The following MRPL39 variants were observed in gnomAD, a reference collection of about 807,000 sequenced individuals.
MRPL39 encodes the protein large ribosomal subunit protein mL39.
A neutral mutation model predicts 44.5 loss-of-function variants in MRPL39; 35 were observed. The ratio of observed to expected loss-of-function variants is 0.79; its 90% CI spans 0.60 to 1.04. The LOEUF (loss-of-function observed/expected upper bound fraction) is 1.04, where lower values mean the gene tolerates loss of function less well. Ranked by LOEUF, MRPL39 falls within the 50% of genes least tolerant of loss-of-function variation. MRPL39 has a pLI of 0.00. For missense variants in MRPL39, 433 were observed against 413.5 expected (o/e 1.05, Z -0.41); for synonymous variants, 139 against 136.1 (o/e 1.02, Z -0.15).
Position 25,601,378 on chromosome 21 carries a change from T to G in MRPL39, c.510A>C (p.Pro170=). 3 of 1,609,036 alleles carry G rather than the reference T, an allele frequency of 1.9e-6. No homozygotes were observed. Among genetic ancestry groups the G allele is most frequent in the Non-Finnish European group, 2.5e-6 (3 of 1,176,926 alleles). The change falls in exon 4 of 10, where the codon CCA becomes CCC. Residue 170 remains proline (P), a synonymous_variant. Coordinates refer to ENST00000352957, the MANE Select transcript of MRPL39 (RefSeq NM_017446.4). ...ATATGTATACACTACCAGGAACTTCTGGAGCTCTGACCAAATTGACCATAT... is the reference window on the plus strand; with the variant it reads ...ATATGTATACACTACCAGGAACTTCGGGAGCTCTGACCAAATTGACCATAT... ...DEYMVNLVRA[P]EVPVISGAFC...
At position 25,589,947 on chromosome 21, in the gene MRPL39, G is replaced by A. The variant is rs573049376; in HGVS notation, c.922-1065C>T. Among the ~76,000 whole-genome samples, 5 of 152,324 alleles carry A rather than the reference G, an allele frequency of 3.3e-5. No individual in the cohort carries two copies. In the South Asian group the frequency reaches 1.0e-3, roughly 32 times the overall value. On this transcript the variant is annotated intron_variant, in intron 8 of 9. Transcript: ENST00000352957. ...GCAGGCAGGGACCAGATAATGCAGG[G>A]CTTTGTGAGACAGGGTAAAGAGTTG...
intron 9 of MRPL39, among the ~76,000 whole-genome samples, chr21:25,586,054 C>T (rs2030988683): frequency 6.6e-6 from 1 of 152,138 alleles, no homozygotes; most frequent in African/African-American, 2.4e-5. Flanking sequence ...AGAAAAAACA[C>T]CTGAAGTGCT....
chr21:25,600,256 C>T (rs1351556203), intron 4 of MRPL39, among the ~76,000 whole-genome samples: 1 of 151,866 alleles, frequency 6.6e-6, no homozygotes, highest in Non-Finnish European at 1.5e-5. Flanking sequence ...ATTAGCCGGG[C>T]TTGGTGGCAG....
At chr21:25,589,949 T>G (rs1273059883) in intron 8 of MRPL39, among the ~76,000 whole-genome samples, 1 of 152,178 alleles carries the variant, frequency 6.6e-6, no homozygotes, top group East Asian at 1.9e-4. Flanking sequence ...AATGCAGGGC[T>G]TTGTGAGACA....
In MRPL39 at chr21:25,593,880, G is replaced by C; in HGVS notation, c.767+13C>G. On this transcript the variant is annotated intron_variant, in intron 7 of 9. Coordinates refer to ENST00000352957, the MANE Select transcript of MRPL39 (RefSeq NM_017446.4). ...ACTCTAACATAGCAGCCAGTTTTTA[G>C]ACTTTTACTTACCTGTGTAGCTTGA... The C allele has an allele frequency of 6.2e-7, 1 of 1,609,758 alleles. No individual in the cohort carries two copies. The highest frequency in any genetic ancestry group is 2.2e-5 in the East Asian group (1 of 44,844).
In MRPL39 at chr21:25,607,481, C is replaced by T; in HGVS notation, c.-6G>A. 3 of 1,610,428 alleles carry T rather than the reference C, an allele frequency of 1.9e-6. No homozygotes were observed. Among genetic ancestry groups the T allele is most frequent in the Non-Finnish European group, 2.5e-6 (3 of 1,179,730 alleles). On this transcript the variant is annotated 5_prime_UTR_variant, in exon 1 of 10. Coordinates refer to ENST00000352957, the MANE Select transcript of MRPL39 (RefSeq NM_017446.4). ...CCCATGGCCAGCGCCTCCATAGCAG[C>T]GGTGAGAACCGTCGCGCGCAAGTCC...
In MRPL39 at chr21:25,588,710, A is replaced by G. The variant is rs907227552; in HGVS notation, c.969+125T>C. On this transcript the variant is annotated intron_variant, in intron 9 of 9. Transcript: ENST00000352957. Reference sequence around the variant, plus strand: ...GAACAATCACAACACTGCTTTGACTATTGAGACAACTTACTTTTTTCCTTT... The same window carrying G: ...GAACAATCACAACACTGCTTTGACTGTTGAGACAACTTACTTTTTTCCTTT... The G allele has an allele frequency of 9.3e-6, 8 of 857,562 alleles. No homozygotes were observed. The East Asian group carries it at 2.0e-4, about 22-fold the overall frequency. The allele number at this position is 857,562 out of a possible 1,614,324, so 53.1% of individuals were successfully genotyped here.
At position 25,598,231 on chromosome 21, in the gene MRPL39, T is replaced by G. The variant is rs2031417215; in HGVS notation, c.589-817A>C. 2.1e-5 allele frequency among the ~76,000 whole-genome samples: 3 copies of G among 142,870 alleles called. No individual in the cohort carries two copies. The Admixed American group carries it at 2.2e-4, about 10-fold the overall frequency. 93.7% of individuals were successfully genotyped at this position (142,870 alleles called of 152,430 possible). ...TAACTCTACCCTACTTTCTTTAAGC[T>G]GTCTACTCAACCCAACTCCATGGAG... is the stretch of plus-strand genomic sequence containing the variant. On this transcript the variant is annotated intron_variant, in intron 5 of 9. Coordinates refer to ENST00000352957, the MANE Select transcript of MRPL39 (RefSeq NM_017446.4).
chr21:25,607,766 G>A (rs1200742157), upstream of MRPL39, among the ~76,000 whole-genome samples: 3 of 152,274 alleles, frequency 2.0e-5, no homozygotes, highest in African/African-American at 7.2e-5. Context: ...CAGGGAAACA[G>A]AGTTCCACAG....
chr21:25,597,882 C>T (rs2031406970), intron 5 of MRPL39, among the ~76,000 whole-genome samples: 1 of 152,014 alleles, frequency 6.6e-6, no homozygotes, highest in Non-Finnish European at 1.5e-5. Flanking sequence ...CATCATCACC[C>T]ACCCTGTGCA....
intron 2 of MRPL39, among the ~76,000 whole-genome samples, chr21:25,605,430 A>G (rs1171325853): frequency 6.6e-6 from 1 of 151,516 alleles, no homozygotes; most frequent in Non-Finnish European, 1.5e-5. Context: ...TACCACATGT[A>G]CATCTAAATG....
At chr21:25,590,654 C>T (rs1340759708) in intron 8 of MRPL39, among the ~76,000 whole-genome samples, 1 of 152,146 alleles carries the variant, frequency 6.6e-6, no homozygotes, top group African/African-American at 2.4e-5. Flanking sequence ...TAAGAAGATA[C>T]AGTAAGTTCA....
In MRPL39 at chr21:25,602,588, A is replaced by G. The variant is rs536973948; in HGVS notation, c.421-1121T>C. On this transcript the variant is annotated intron_variant, in intron 3 of 9. Transcript: ENST00000352957. ...TATCAAGAACTAGGTCCAATAAGGG[A>G]AATGGTCCCTATCTTCACATTCGAC... 7.2e-5 allele frequency among the ~76,000 whole-genome samples: 11 copies of G among 152,328 alleles called. No homozygotes were observed. In the South Asian group the frequency reaches 2.3e-3, roughly 32 times the overall value.
intron 8 of MRPL39, among the ~76,000 whole-genome samples, chr21:25,592,512 C>G (rs988752999): frequency 6.6e-6 from 1 of 152,118 alleles, no homozygotes; most frequent in Admixed American, 6.5e-5. Flanking sequence ...AAAAGGCATT[C>G]CAGGAAGTCT....
At chr21:25,591,289 CAA>C (rs900672244) in intron 8 of MRPL39, among the ~76,000 whole-genome samples, 1 of 151,012 alleles carries the variant, frequency 6.6e-6, no homozygotes, top group Non-Finnish European at 1.5e-5. Context: ...AAAATGTTAT[CAA>C]ATTTTAATAA....
At chr21:25,587,713 C>T in intron 9 of MRPL39, 1 of 1,606,270 alleles carries the variant, frequency 6.2e-7, no homozygotes, top group South Asian at 1.1e-5. Flanking sequence ...TGAGACTGTT[C>T]CATGGAGGAG....
intron 1 of MRPL39, 138 bp from the exon 2 acceptor site, chr21:25,606,793 G>A: frequency 1.5e-6 from 1 of 647,500 alleles, no homozygotes; most frequent in Non-Finnish European, 2.6e-6. Context: ...CCAGATACGT[G>A]CCTCTACTTT....
At chr21:25,597,172 G>A in intron 6 of MRPL39, 130 bp downstream of exon 6, 1 of 604,628 alleles carries the variant, frequency 1.7e-6, no homozygotes, top group South Asian at 2.2e-5. Flanking sequence ...TGAGATCACA[G>A]AGGTCTCAGA....
Position 25,601,351 on chromosome 21 carries a change from A to ACATACT in MRPL39, c.520+16_520+17insAGTATG. ...AAATATTTAAGGATCACAAAAAGAC[A>ACATACT]TATATGTATACACTACCAGGAACTT... is the stretch of plus-strand genomic sequence containing the variant. On this transcript the variant is annotated intron_variant, in intron 4 of 9. Transcript: ENST00000352957. 2 of 1,510,670 alleles carry ACATACT rather than the reference A, an allele frequency of 1.3e-6. No individual in the cohort carries two copies. Among genetic ancestry groups the ACATACT allele is most frequent in the Admixed American group, 1.8e-5 (1 of 55,220 alleles). The allele number at this position is 1,510,670 out of a possible 1,614,324, so 93.6% of individuals were successfully genotyped here. A position where few individuals can be genotyped will look rare whatever the true frequency, so the allele number is the denominator to read the frequency against.
Sources: gnomAD v4.1 joint callset for allele counts (sites outside exome capture counted in the v4.1 genomes callset) on GRCh38, gnomAD v4.1.1 for gene constraint, MANE v1.5 for transcripts, NCBI Gene and HGNC (gene_info 2026-07-23, HGNC 2026-07-21) for gene names.